Variants in LARGE1 observed in about 807,000 individuals in gnomAD.
LARGE1 encodes the protein LARGE xylosyl- and glucuronyltransferase 1.
Under a neutral mutation model 87.6 loss-of-function variants are expected in LARGE1, and 43 were observed. The ratio of observed to expected loss-of-function variants is 0.49; its 90% CI spans 0.38 to 0.63. The LOEUF is 0.63. LARGE1 is among the 30% of genes least tolerant of loss of function. The pLI is 0.00. For synonymous variants in LARGE1, 434 were observed against 394.6 expected (o/e 1.10, Z -1.18); for missense variants, 802 against 1,000.2 (o/e 0.80, Z 2.67).
rs181814588 is a variant in LARGE1 at position 33,541,827 on chromosome 22, T to C, written c.787+23021A>G. Among the ~76,000 whole-genome samples, 388 of 151,952 alleles carry C rather than the reference T, an allele frequency of 2.6e-3. 1 individual carries two copies. The highest frequency in any genetic ancestry group is 9.0e-3 in the African/African-American group (372 of 41,446). On this transcript the variant is annotated intron_variant, in intron 6 of 14. Coordinates refer to ENST00000397394, the MANE Select transcript of LARGE1 (RefSeq NM_133642.5). ...AATCTTAAGTCAAGGAAACAAACAT[T>C]TGGGGTTGAGCCCCTACTGTACGTG...
chr22:33,229,279 AAACT>A (rs1204082345), intron 11 of LARGE1, among the ~76,000 whole-genome samples: 7 of 152,336 alleles, frequency 4.6e-5, no homozygotes, highest in Non-Finnish European at 8.8e-5. Flanking sequence ...TTAAGATTAT[AAACT>A]AACATAATAA....
At chr22:33,474,297 G>A (rs1466128156) in intron 6 of LARGE1, among the ~76,000 whole-genome samples, 1 of 152,160 alleles carries the variant, frequency 6.6e-6, no homozygotes, top group Admixed American at 6.5e-5. Context: ...CCAAGTAGCT[G>A]GGATTATAGG....
chr22:33,691,054 G>A (rs1314299543), intron 2 of LARGE1, among the ~76,000 whole-genome samples: 1 of 152,154 alleles, frequency 6.6e-6, no homozygotes, highest in African/African-American at 2.4e-5. Context: ...CATCTCCAGG[G>A]GGACCCCAGG....
chr22:33,606,353 C>T (rs901331071), intron 4 of LARGE1, among the ~76,000 whole-genome samples: 2 of 151,206 alleles, frequency 1.3e-5, no homozygotes, highest in Non-Finnish European at 1.5e-5. Context: ...TGCAGTGAGC[C>T]GAGATTGCAC....
At chr22:33,751,978 C>T (rs914702380) in intron 2 of LARGE1, among the ~76,000 whole-genome samples, 11 of 152,110 alleles carry the variant, frequency 7.2e-5, no homozygotes, top group African/African-American at 2.2e-4. Context: ...GATGGGGGTT[C>T]GCCACATTGG....
chr22:33,549,103 G>A (rs867561979), intron 6 of LARGE1, among the ~76,000 whole-genome samples: 1 of 152,082 alleles, frequency 6.6e-6, no homozygotes, highest in African/African-American at 2.4e-5. Flanking sequence ...CCTTTAAAAG[G>A]CCCCTCCATT....
rs1490424335 is a variant in LARGE1 at position 33,304,485 on chromosome 22, A to G, written c.1474T>C (p.Cys492Arg). Residue 492 changes from cysteine to arginine, a missense_variant, in exon 12 of 15, where the codon TGC becomes CGC. This residue lies in a region of LARGE1 where 625 missense variants were observed against 841.9 expected (regional missense o/e 0.74). Transcript: ENST00000397394. ...MDRLQMLEAI[C>R]KHWEGPISLA... is the part of the protein sequence containing the mutation. ...CTGATGGGCCCCTCCCAGTGCTTGC[A>G]GATGGCCTCCAGCATCTGGAGCCTG... The G allele has an allele frequency of 1.2e-6, 2 of 1,606,522 alleles. No individual in the cohort carries two copies. The highest frequency in any genetic ancestry group is 2.7e-5 in the African/African-American group (2 of 74,788).
chr22:33,438,127 C>A (rs978340928), intron 6 of LARGE1, among the ~76,000 whole-genome samples: 9 of 152,132 alleles, frequency 5.9e-5, no homozygotes, highest in Admixed American at 5.9e-4. Flanking sequence ...AATCCCAGCC[C>A]ATCATCCAGG....
At chr22:33,371,165 C>CA (rs903355635) in intron 9 of LARGE1, among the ~76,000 whole-genome samples, 15 of 141,092 alleles carry the variant, frequency 1.1e-4, no homozygotes, top group East Asian at 2.0e-4. Context: ...AATAGTTGGC[C>CA]AAAAAAAAAA....
At chr22:33,577,397 C>T (rs2078386496) in intron 5 of LARGE1, among the ~76,000 whole-genome samples, 1 of 152,218 alleles carries the variant, frequency 6.6e-6, no homozygotes, top group African/African-American at 2.4e-5. Context: ...AACCTGCTCC[C>T]CGATCTTAGC....
At chr22:33,132,143 C>A in the LARGE1 span, among the ~76,000 whole-genome samples, 1 of 152,134 alleles carries the variant, frequency 6.6e-6, no homozygotes, top group Non-Finnish European at 1.5e-5. Context: ...ACAGCCAAAC[C>A]ATATCAACCT....
At chr22:33,236,060 G>A (rs1452919528) in intron 11 of LARGE1, among the ~76,000 whole-genome samples, 3 of 152,140 alleles carry the variant, frequency 2.0e-5, no homozygotes, top group Non-Finnish European at 4.4e-5. Context: ...ACTTTAAGTC[G>A]AGGAACACCA....
At chr22:33,163,266 C>T (rs933262628) in exon 12 of LARGE1, 1 of 152,182 alleles carries the variant, frequency 6.6e-6, no homozygotes, top group Non-Finnish European at 1.5e-5. Context: ...ATTCTTTTCG[C>T]TATTTACCAA....
At chr22:33,143,965 G>C in the LARGE1 span, among the ~76,000 whole-genome samples, 1 of 151,906 alleles carries the variant, frequency 6.6e-6, no homozygotes, top group Non-Finnish European at 1.5e-5. Context: ...CTTGGTATCT[G>C]TTTCTGTTTC....
intron 2 of LARGE1, among the ~76,000 whole-genome samples, chr22:33,735,428 C>T (rs2083620661): frequency 2.0e-5 from 3 of 152,174 alleles, no homozygotes; most frequent in African/African-American, 7.2e-5. Context: ...GTTTGATTTT[C>T]TCCTGTTAAT....
chr22:33,372,203 T>C (rs1030632138), intron 9 of LARGE1, among the ~76,000 whole-genome samples: 1 of 152,074 alleles, frequency 6.6e-6, no homozygotes, highest in East Asian at 1.9e-4. Flanking sequence ...TATATTTGAG[T>C]CTATTAAAAC....
intron 9 of LARGE1, among the ~76,000 whole-genome samples, chr22:33,371,751 G>A (rs759668201): frequency 2.6e-5 from 4 of 152,262 alleles, no homozygotes; most frequent in Non-Finnish European, 4.4e-5. Flanking sequence ...TTGGGAGGCC[G>A]AGGTGGGTGG....
intron 7 of LARGE1, among the ~76,000 whole-genome samples, chr22:33,408,476 C>T (rs1246961977): frequency 1.3e-5 from 2 of 152,126 alleles, no homozygotes; most frequent in Admixed American, 1.3e-4. Flanking sequence ...GAGTCTGTTT[C>T]ATTATCAGGC....
chr22:33,093,941 A>G, the LARGE1 span, among the ~76,000 whole-genome samples: 1 of 142,502 alleles, frequency 7.0e-6, no homozygotes, highest in African/African-American at 2.6e-5. Context: ...CCATTCTCCT[A>G]CCTCAGCCTC....
Sources: allele counts gnomAD v4.1 joint callset (sites outside exome capture counted in the v4.1 genomes callset), GRCh38; gene constraint gnomAD v4.1.1; regional missense constraint gnomAD v4.1.1; transcripts MANE v1.5; gene names NCBI Gene and HGNC (gene_info 2026-07-23, HGNC 2026-07-21).